The following PCDHGB1 variants were observed in gnomAD, a reference collection of about 807,000 sequenced individuals.
The protein encoded by PCDHGB1 is protocadherin gamma-B1.
PCDHGB1 carries 34 observed loss-of-function variants against 56.6 expected under a neutral mutation model. The observed-to-expected ratio is 0.60, with a 90% CI of 0.46 to 0.80. PCDHGB1 has a LOEUF of 0.80. Among genes scored for constraint, PCDHGB1 ranks in the 30% least tolerant of loss-of-function variants. PCDHGB1 has a pLI of 0.00. For synonymous variants in PCDHGB1, 561 were observed against 505.9 expected (o/e 1.11, Z -1.46); for missense variants, 1,278 against 1,204.6 (o/e 1.06, Z -0.90).
At chr5:141,464,748 T>C (rs995568259) in intron 1 of PCDHGB1, among the ~76,000 whole-genome samples, 2 of 152,190 alleles carry the variant, frequency 1.3e-5, no homozygotes, top group Admixed American at 1.3e-4. Context: ...TATCTTTTTG[T>C]TTTTTTAGAG....
intron 1 of PCDHGB1, among the ~76,000 whole-genome samples, chr5:141,450,467 T>G (rs997813636): frequency 1.3e-5 from 2 of 151,944 alleles, no homozygotes; most frequent in African/African-American, 2.4e-5. Flanking sequence ...ATTTTATATA[T>G]AGAGTTTGTT....
intron 1 of PCDHGB1, chr5:141,410,146 C>T (rs2095361527): frequency 2.5e-6 from 4 of 1,612,390 alleles, no homozygotes; most frequent in Non-Finnish European, 2.5e-6. Context: ...CTGTGCGTGA[C>T]GGTGGACAGC....
chr5:141,400,566 A>G (rs754437274), intron 1 of PCDHGB1: 94 of 1,612,572 alleles, frequency 5.8e-5, no homozygotes, highest in Non-Finnish European at 7.7e-5. Flanking sequence ...TACCCACCCA[A>G]TTTTCTGTAT....
Position 141,486,915 on chromosome 5 carries a change from C to G in PCDHGB1, c.2410-7892C>G. The G allele has an allele frequency of 6.2e-7, 1 of 1,614,244 alleles. No individual in the cohort carries two copies. The highest frequency in any genetic ancestry group is 8.5e-7 in the Non-Finnish European group (1 of 1,180,046). ...GGTTCCTTATGTCCCCAAGCACTGCCTCCATCAGTTGGTGCTGGCCACCTA... is the reference window on the plus strand; with the variant it reads ...GGTTCCTTATGTCCCCAAGCACTGCGTCCATCAGTTGGTGCTGGCCACCTA... On this transcript the variant is annotated intron_variant, in intron 1 of 3. Transcript: ENST00000523390. This position sits in a 1 kb window ranked among gnomAD's most constrained non-coding sequence, Gnocchi z 5.0.
intron 1 of PCDHGB1, chr5:141,361,293 G>A: frequency 1.2e-6 from 2 of 1,614,018 alleles, no homozygotes; most frequent in Non-Finnish European, 8.5e-7. Context: ...ACTGCCAAGT[G>A]TTGGGAAATG....
At position 141,372,855 on chromosome 5, in the gene PCDHGB1, A is replaced by T; in HGVS notation, c.2409+20186A>T. 7 of 1,456,148 alleles carry T rather than the reference A, an allele frequency of 4.8e-6. No homozygotes were observed. The South Asian group carries it at 6.7e-5, about 14-fold the overall frequency. 90.2% of individuals were successfully genotyped at this position (1,456,148 alleles called of 1,614,324 possible). On this transcript the variant is annotated intron_variant, in intron 1 of 3. Transcript: ENST00000523390. ...CCTTCCATAAATATAATTGGGTTTC[A>T]ATTCATTGATTTAGAGATAAAAAGA...
At chr5:141,384,368 C>T (rs748304499) in intron 1 of PCDHGB1, 7 of 1,613,908 alleles carry the variant, frequency 4.3e-6, no homozygotes, top group East Asian at 2.2e-5. Flanking sequence ...ATCACTTATT[C>T]CTTGGCCGAA....
In PCDHGB1 at chr5:141,375,737, G is replaced by C. The variant is rs373966789; in HGVS notation, c.2409+23068G>C. 19 of 1,614,262 alleles carry C rather than the reference G, an allele frequency of 1.2e-5. No homozygotes were observed. In the African/African-American group the frequency reaches 2.0e-4, roughly 17 times the overall value. Reference sequence around the variant, plus strand: ...CAGCAACGTGTCACTGAGCCTGTTTGTGCTGGACCAGAATGACAATGCGCC... The same window carrying C: ...CAGCAACGTGTCACTGAGCCTGTTTCTGCTGGACCAGAATGACAATGCGCC... On this transcript the variant is annotated intron_variant, in intron 1 of 3. Coordinates refer to ENST00000523390, the MANE Select transcript of PCDHGB1 (RefSeq NM_018922.3).
Position 141,350,479 on chromosome 5 carries a change from C to G in PCDHGB1, c.219C>G (p.Asn73Lys), listed in dbSNP as rs376831132. Reference protein sequence around the residue: ...KLRVSAEDYFNVSLESGDLLV... With the variant: ...KLRVSAEDYFKVSLESGDLLV... The stretch of plus-strand genomic sequence containing the variant: ...GGGTTAGTGCAGAGGATTATTTCAA[C>G]GTTAGTTTGGAGAGCGGGGATTTGT... The change falls in exon 1 of 4, where the codon AAC (asparagine) becomes AAG (lysine). Residue 73 changes from asparagine (N) to lysine (K), a missense_variant. Physicochemically the swap from Asn to Lys is moderately conservative, Grantham distance 94. Transcript: ENST00000523390. The G allele has an allele frequency of 6.2e-7, 1 of 1,613,916 alleles. No individual in the cohort carries two copies. The highest frequency in any genetic ancestry group is 8.5e-7 in the Non-Finnish European group (1 of 1,179,876).
rs201851177 is a variant in PCDHGB1, at chr5:141,376,061, C to G, written c.2409+23392C>G. On this transcript the variant is annotated intron_variant, in intron 1 of 3. Transcript: ENST00000523390. ...GCCCCCTCTCTCCGCCACTGTCACG[C>G]TCACCGTGGCCGTGGCCGACAGGAT... is the stretch of plus-strand genomic sequence containing the variant. The G allele has an allele frequency of 8.2e-4, 1,321 of 1,613,326 alleles. No individual in the cohort carries two copies. Among genetic ancestry groups the G allele is most frequent in the Non-Finnish European group, 1.0e-3 (1,200 of 1,179,910 alleles).
In PCDHGB1 at chr5:141,352,505, A is replaced by G. The variant is rs762426653; in HGVS notation, c.2245A>G (p.Asn749Asp). ...HSEGTLPYSY[N>D]LCIASHSAKT... ...CGAGGGGACTTTGCCCTATTCCTAC[A>G]ATCTATGTATTGCCTCTCATTCTGC... Residue 749 changes from asparagine to aspartate, a missense_variant, in exon 1 of 4, where the codon AAT becomes GAT. By Grantham distance (23) the Asn-to-Asp change is conservative. Coordinates refer to ENST00000523390, the MANE Select transcript of PCDHGB1 (RefSeq NM_018922.3). 9.3e-6 allele frequency: 15 copies of G among 1,613,806 alleles called. No individual in the cohort carries two copies. The highest frequency in any genetic ancestry group is 8.3e-5 in the Admixed American group (5 of 60,002).
intron 1 of PCDHGB1, among the ~76,000 whole-genome samples, chr5:141,444,402 C>A (rs916833331): frequency 6.6e-6 from 1 of 151,932 alleles, no homozygotes; most frequent in Admixed American, 6.6e-5. Flanking sequence ...AACTCCCAAC[C>A]TCAGGTGATC....
chr5:141,430,766 C>T, intron 1 of PCDHGB1: 1 of 1,504,534 alleles, frequency 6.6e-7, no homozygotes, highest in Non-Finnish European at 8.9e-7. Context: ...AAGAATGATT[C>T]CTGCGCGACT....
chr5:141,481,455 C>T (rs2099537897), intron 1 of PCDHGB1, among the ~76,000 whole-genome samples: 1 of 152,176 alleles, frequency 6.6e-6, no homozygotes, highest in African/African-American at 2.4e-5. Flanking sequence ...TGTAAATACA[C>T]TGAAAACCAT....
chr5:141,370,197 G>A (rs1766736161), intron 1 of PCDHGB1: 1 of 536,070 alleles, frequency 1.9e-6, no homozygotes, highest in Non-Finnish European at 3.2e-6. Flanking sequence ...CTAGTGCTGT[G>A]CAAAATATTG....
Position 141,485,208 on chromosome 5 carries a change from G to T in PCDHGB1, c.2410-9599G>T, listed in dbSNP as rs2099609377. On this transcript the variant is annotated intron_variant, in intron 1 of 3. Coordinates refer to ENST00000523390, the MANE Select transcript of PCDHGB1 (RefSeq NM_018922.3). This position sits in a 1 kb window ranked among gnomAD's most constrained non-coding sequence, Gnocchi z 5.7. ...AAGGTGAGAAGCTGGACAGAAATCT[G>T]GCGGTGGGCTACCCTTTTGTTCCTC... The T allele has an allele frequency of 6.2e-7, 1 of 1,613,998 alleles. No homozygotes were observed. The highest frequency in any genetic ancestry group is 1.3e-5 in the African/African-American group (1 of 74,930).
intron 1 of PCDHGB1, chr5:141,415,740 GTTTTTTTTTTTTTTTTTTTTT>G: frequency 1.6e-6 from 1 of 617,990 alleles, no homozygotes; most frequent in Non-Finnish European, 2.1e-6. Context: ...GTTTATTAAG[GTTTTTTTTTTTTTTTTTTTTT>G]TTTTTTTTTT....
chr5:141,499,275 C>T (rs1259707742), intron 2 of PCDHGB1, among the ~76,000 whole-genome samples: 1 of 152,178 alleles, frequency 6.6e-6, no homozygotes, highest in African/African-American at 2.4e-5. Flanking sequence ...CTAGACTGTT[C>T]TCTGATGGCT....
At chr5:141,354,474 AAGGCT>A (rs1759552613) in intron 1 of PCDHGB1, among the ~76,000 whole-genome samples, 1 of 152,066 alleles carries the variant, frequency 6.6e-6, no homozygotes, top group Non-Finnish European at 1.5e-5. Context: ...TGTACAGGGT[AAGGCT>A]AACTCTTGAA....
Sources: gnomAD v4.1 joint callset for allele counts (sites outside exome capture counted in the v4.1 genomes callset) on GRCh38, gnomAD v4.1.1 for gene constraint, Gnocchi (gnomAD v3.1) non-coding constraint, MANE v1.5 for transcripts, NCBI Gene and HGNC (gene_info 2026-07-23, HGNC 2026-07-21) for gene names.